The following TRMT44 variants were observed in gnomAD, a reference collection of about 807,000 sequenced individuals.
The protein encoded by TRMT44 is tRNA methyltransferase 44 homolog.
TRMT44 carries 78 observed loss-of-function variants against 77.3 expected under a neutral mutation model. The observed-to-expected ratio is 1.01, with a 90% CI of 0.84 to 1.22. The LOEUF (loss-of-function observed/expected upper bound fraction) is 1.22. TRMT44 is among the 50% of genes most tolerant of loss of function. The pLI, the probability that TRMT44 is intolerant of heterozygous loss-of-function variation, is 0.00. For synonymous variants in TRMT44, 391 were observed against 383.3 expected (o/e 1.02, Z -0.23); for missense variants, 1,090 against 964.4 (o/e 1.13, Z -1.73).
the TRMT44 span, among the ~76,000 whole-genome samples, chr4:8,499,531 G>A: frequency 7.2e-6 from 1 of 139,080 alleles, no homozygotes; most frequent in African/African-American, 2.6e-5. Context: ...GGTGGGCAGG[G>A]GTGAGGTCGT....
chr4:8,443,448 C>G (rs1486520739), intron 1 of TRMT44, among the ~76,000 whole-genome samples: 1 of 152,232 alleles, frequency 6.6e-6, no homozygotes, highest in African/African-American at 2.4e-5. Flanking sequence ...GGAATATAGA[C>G]AGCCTGGCTT....
At chr4:8,478,254 A>G (rs996206407), downstream of TRMT44, 1 of 152,794 alleles carries the variant, frequency 6.5e-6, no homozygotes, top group South Asian at 2.1e-4. Context: ...GGCAGTTTCC[A>G]GTCACAAGCC....
chr4:8,484,633 G>A (rs903106882), intron 2 of TRMT44, among the ~76,000 whole-genome samples: 3 of 152,138 alleles, frequency 2.0e-5, no homozygotes, highest in Admixed American at 2.0e-4. Context: ...AAAAGGGTTG[G>A]GATGAGTCAG....
chr4:8,494,834 T>C (rs993626513), downstream of TRMT44, among the ~76,000 whole-genome samples: 2 of 152,196 alleles, frequency 1.3e-5, no homozygotes, highest in South Asian at 2.1e-4. Flanking sequence ...AGCTGTCTTA[T>C]ATAGGGATAA....
the TRMT44 span, chr4:8,510,443 C>T: frequency 0.017 from 2,572 of 152,966 alleles, 28 homozygotes; most frequent in Non-Finnish European, 0.027. Context: ...GGTGGCCTCC[C>T]TCCAAGGTCA....
Position 8,452,959 on chromosome 4 carries a change from C to T in TRMT44, c.1101C>T (p.Gly367=), listed in dbSNP as rs779858859. Residue 367 remains glycine (G), a synonymous_variant, in exon 5 of 11, where the codon GGC becomes GGT. Coordinates refer to ENST00000389737, the MANE Select transcript of TRMT44 (RefSeq NM_152544.3). The surrounding 1 kb of genome is among the most constrained non-coding windows in gnomAD (Gnocchi z 5.7). ...TTGTGGACCTGGGATGTGGAAATGG[C>T]CTCCTGGTCCACATCCTGAGCAGTG... The part of the protein sequence containing the change: ...QSFVDLGCGN[G]LLVHILSSEG... 8.5e-6 allele frequency: 13 copies of T among 1,531,688 alleles called. No individual in the cohort carries two copies. The highest frequency in any genetic ancestry group is 2.7e-5 in the African/African-American group (2 of 72,750). The allele number at this position is 1,531,688 out of a possible 1,614,324, so 94.9% of individuals were successfully genotyped here. A position where few individuals can be genotyped will look rare whatever the true frequency, so the allele number is the denominator to read the frequency against.
Position 8,452,209 on chromosome 4 carries a change from A to G in TRMT44, c.1023+181A>G, listed in dbSNP as rs763417392. ...GTGGTCCTTTTGATGCGTATACAAC[A>G]AGTTTGGGTTGAAACTTGACCTCGG... On this transcript the variant is annotated intron_variant, in intron 4 of 10. Coordinates refer to ENST00000389737, the MANE Select transcript of TRMT44 (RefSeq NM_152544.3). The surrounding 1 kb of genome is among the most constrained non-coding windows in gnomAD (Gnocchi z 5.7). Among the ~76,000 whole-genome samples, 2 of 152,190 alleles carry G rather than the reference A, an allele frequency of 1.3e-5. No homozygotes were observed. Among genetic ancestry groups the G allele is most frequent in the Non-Finnish European group, 2.9e-5 (2 of 68,036 alleles).
chr4:8,442,367 C>T (rs940173906), intron 1 of TRMT44, among the ~76,000 whole-genome samples: 16 of 152,186 alleles, frequency 1.1e-4, no homozygotes, highest in East Asian at 7.7e-4. Context: ...CCTCAGCGTT[C>T]GTTAAATCTC....
In TRMT44 at chr4:8,452,068, G is replaced by C; in HGVS notation, c.1023+40G>C. Reference sequence around the variant, plus strand: ...GACCTCAGCTTCTCTGGAGTGGGTGGAGTTTGCTACAGGCAGATGTTCCCT... The same window carrying C: ...GACCTCAGCTTCTCTGGAGTGGGTGCAGTTTGCTACAGGCAGATGTTCCCT... On this transcript the variant is annotated intron_variant, in intron 4 of 10. Coordinates refer to ENST00000389737, the MANE Select transcript of TRMT44 (RefSeq NM_152544.3). This position sits in a 1 kb window ranked among gnomAD's most constrained non-coding sequence, Gnocchi z 5.7. The C allele has an allele frequency of 6.6e-7, 1 of 1,512,610 alleles. No homozygotes were observed. Among genetic ancestry groups the C allele is most frequent in the East Asian group, 2.5e-5 (1 of 40,780 alleles). 93.7% of individuals were successfully genotyped at this position (1,512,610 alleles called of 1,614,324 possible).
intron 6 of TRMT44, among the ~76,000 whole-genome samples, chr4:8,460,039 C>A (rs12504813): frequency 0.024 from 3,674 of 152,308 alleles, 84 homozygotes; most frequent in African/African-American, 0.059. Flanking sequence ...GCCCTGGGCA[C>A]TAGAGCCATG....
At chr4:8,505,520 G>T in the TRMT44 span, among the ~76,000 whole-genome samples, 1 of 152,212 alleles carries the variant, frequency 6.6e-6, no homozygotes, top group Admixed American at 6.5e-5. Context: ...GGCAGCCGGT[G>T]TGGGGGGCAT....
intron 2 of TRMT44, among the ~76,000 whole-genome samples, chr4:8,490,936 C>T (rs565926918): frequency 1.4e-4 from 21 of 152,172 alleles, no homozygotes; most frequent in East Asian, 3.9e-4. Context: ...TACAGAGTAT[C>T]GACACAAAGG....
At chr4:8,463,854 G>A in intron 6 of TRMT44, 131 bp from the exon 7 acceptor site, 1 of 723,178 alleles carries the variant, frequency 1.4e-6, no homozygotes, top group South Asian at 1.8e-5. Context: ...CCCGCTCTTG[G>A]TCATGCAGCA....
rs750714601 is a variant in TRMT44, at chr4:8,461,930, G to A, written c.1204-2055G>A. Reference sequence around the variant, plus strand: ...CAATCTAGAAAGTCAAAGGCCAGGCGTAGAATATAACTTTTTTTCTTTCTT... The same window carrying A: ...CAATCTAGAAAGTCAAAGGCCAGGCATAGAATATAACTTTTTTTCTTTCTT... On this transcript the variant is annotated intron_variant, in intron 6 of 10. Coordinates refer to ENST00000389737, the MANE Select transcript of TRMT44 (RefSeq NM_152544.3). This position sits in a 1 kb window ranked among gnomAD's most constrained non-coding sequence, Gnocchi z 4.6. 2.6e-5 allele frequency among the ~76,000 whole-genome samples: 4 copies of A among 152,140 alleles called. No homozygotes were observed. The highest frequency in any genetic ancestry group is 2.1e-4 in the South Asian group (1 of 4,820).
At chr4:8,460,772 TGG>T in intron 6 of TRMT44, among the ~76,000 whole-genome samples, 1 of 152,164 alleles carries the variant, frequency 6.6e-6, no homozygotes, top group Non-Finnish European at 1.5e-5. Context: ...CAGGCTGATC[TGG>T]CTCTGGCCTC....
In TRMT44 at chr4:8,454,791, A is replaced by G. The variant is rs747296714; in HGVS notation, c.1181A>G (p.Tyr394Cys). ...CGAAGAAGAAAAATCTGGGACATGTATGGACCACAAACTCAGTTAGAGGTA... is the reference window on the plus strand; with the variant it reads ...CGAAGAAGAAAAATCTGGGACATGTGTGGACCACAAACTCAGTTAGAGGTA... ...DVRRRKIWDM[Y>C]GPQTQLEEDA... Residue 394 changes from tyrosine to cysteine, a missense_variant, in exon 6 of 11, where the codon TAT becomes TGT. Tyr to Cys is a radical substitution (Grantham distance 194, BLOSUM62 -2). Transcript: ENST00000389737. 11 of 1,614,116 alleles carry G rather than the reference A, an allele frequency of 6.8e-6. No individual in the cohort carries two copies. The highest frequency in any genetic ancestry group is 1.6e-4 in the Middle Eastern group (1 of 6,084).
the TRMT44 span, chr4:8,512,482 A>T: frequency 6.6e-6 from 1 of 152,236 alleles, no homozygotes; most frequent in Non-Finnish European, 1.5e-5. Flanking sequence ...AATTTGTTGT[A>T]TGCATTTTTT....
Position 8,452,743 on chromosome 4 carries a change from A to G in TRMT44, c.1024-139A>G. 2 of 236,264 alleles carry G rather than the reference A, an allele frequency of 8.5e-6. No homozygotes were observed. The highest frequency in any genetic ancestry group is 9.3e-5 in the East Asian group (1 of 10,742). 14.6% of individuals were successfully genotyped at this position (236,264 alleles called of 1,614,324 possible). On this transcript the variant is annotated intron_variant, in intron 4 of 10. Transcript: ENST00000389737. This position sits in a 1 kb window ranked among gnomAD's most constrained non-coding sequence, Gnocchi z 5.7. The stretch of plus-strand genomic sequence containing the variant: ...GAGCAACACTCCATCTCAAAAAAAG[A>G]AAAAAAAAAAAGAATGTTTAGTGTA...
the TRMT44 span, among the ~76,000 whole-genome samples, chr4:8,503,181 G>T: frequency 6.6e-6 from 1 of 152,156 alleles, no homozygotes; most frequent in South Asian, 2.1e-4. Flanking sequence ...AAAGAAACCC[G>T]ACCCCTTCCC....
Sources: gnomAD v4.1 joint callset for allele counts (sites outside exome capture counted in the v4.1 genomes callset) on GRCh38, gnomAD v4.1.1 for gene constraint, Gnocchi (gnomAD v3.1) non-coding constraint, MANE v1.5 for transcripts, NCBI Gene and HGNC (gene_info 2026-07-23, HGNC 2026-07-21) for gene names.